Variants in PGAP6 observed in about 807,000 individuals in gnomAD.
The protein encoded by PGAP6 is post-GPI attachment to proteins factor 6.
PGAP6 carries 62 observed loss-of-function variants against 68.4 expected under a neutral mutation model. The observed-to-expected ratio is 0.91, with a 90% CI of 0.74 to 1.12. The LOEUF (loss-of-function observed/expected upper bound fraction) is 1.12, where lower values mean the gene tolerates loss of function less well. Among genes scored for constraint, PGAP6 ranks in the 50% most tolerant of loss-of-function variants. The pLI is 0.00. For synonymous variants in PGAP6, 575 were observed against 474.0 expected (o/e 1.21, Z -2.77); for missense variants, 1,188 against 1,068.5 (o/e 1.11, Z -1.56).
At chr16:380,915 C>T (rs1033913703) in intron 1 of PGAP6, among the ~76,000 whole-genome samples, 1 of 152,210 alleles carries the variant, frequency 6.6e-6, no homozygotes, top group Non-Finnish European at 1.5e-5. Flanking sequence ...AGAAAGGACA[C>T]GGCCCCTCCA....
upstream of PGAP6, among the ~76,000 whole-genome samples, chr16:382,885 A>ATAAACAGC (rs1177306432): frequency 6.6e-6 from 1 of 151,910 alleles, no homozygotes; most frequent in African/African-American, 2.4e-5. Context: ...CAGTGCAGTA[A>ATAAACAGC]TAAACAGCTC....
upstream of PGAP6, chr16:386,824 C>T: frequency 1.5e-6 from 1 of 674,530 alleles, no homozygotes; most frequent in Non-Finnish European, 2.7e-6. Flanking sequence ...AAAGCGAAGG[C>T]TTTAAAGGCC....
In PGAP6 at chr16:374,972, G is replaced by A. The variant is rs117941380; in HGVS notation, c.1440-80C>T. 1.6e-3 allele frequency: 2,525 copies of A among 1,600,000 alleles called. 30 individuals carry two copies. The East Asian group carries it at 0.017, about 11-fold the overall frequency. On this transcript the variant is annotated intron_variant, in intron 8 of 12. Coordinates refer to ENST00000431232, the MANE Select transcript of PGAP6 (RefSeq NM_021259.3). ...CACCAGCGCTCCCAACAGGCTGACA[G>A]ACATGAGAACGCAGCATTAGGGCCC... is the stretch of plus-strand genomic sequence containing the variant.
upstream of PGAP6, chr16:382,089 GTA>G (rs1285550848): frequency 0.067 from 21,766 of 324,756 alleles, 1,023 homozygotes; most frequent in South Asian, 0.16. Context: ...TGGGGCGCCG[GTA>G]GGGGGGAGGG....
chr16:382,170 G>C (rs1597167815), upstream of PGAP6: 1 of 389,056 alleles, frequency 2.6e-6, no homozygotes, highest in East Asian at 3.6e-5. Context: ...GGGAGGGCGC[G>C]GGATGGAGGG....
At chr16:378,494 T>A (rs4991326) in intron 1 of PGAP6, among the ~76,000 whole-genome samples, 781 of 2,178 alleles carry the variant, frequency 0.36, 263 homozygotes, top group Admixed American at 0.41. Context: ...ATCGCCACTC[T>A]GACTGCCATC....
upstream of PGAP6, among the ~76,000 whole-genome samples, chr16:385,388 C>T (rs905952454): frequency 2.7e-4 from 38 of 141,786 alleles, no homozygotes; most frequent in South Asian, 2.4e-4. Context: ...TCTCGGCTCA[C>T]GCAAGCTCCA....
chr16:372,917 T>C (rs1352182921), intron 11 of PGAP6, among the ~76,000 whole-genome samples, 190 bp from the exon 12 acceptor site: 1 of 152,128 alleles, frequency 6.6e-6, no homozygotes, highest in African/African-American at 2.4e-5. Context: ...TCAGCTTCTG[T>C]ATTGCATCCA....
rs2054341907 is a variant in PGAP6 at position 372,285 on chromosome 16, T to C, written c.2020-2A>G. The C allele has an allele frequency of 6.2e-7, 1 of 1,606,256 alleles. No individual in the cohort carries two copies. Among genetic ancestry groups the C allele is most frequent in the Admixed American group, 1.7e-5 (1 of 59,842 alleles). ...GCGCCGGTGCCCGCAGCGGTAAGCC[T>C]GGAGAAAACAGCCACGCAGGTATCA... On this transcript the variant is annotated splice_acceptor_variant, in intron 12 of 12. Coordinates refer to ENST00000431232, the MANE Select transcript of PGAP6 (RefSeq NM_021259.3). LOFTEE classifies it high-confidence loss of function.
chr16:374,123 TC>T lies in PGAP6; in HGVS notation c.1783del (p.Glu595ArgfsTer38). 1 of 1,611,166 alleles carries T rather than the reference TC, an allele frequency of 6.2e-7. No individual in the cohort carries two copies. The highest frequency in any genetic ancestry group is 8.5e-7 in the Non-Finnish European group (1 of 1,179,900). On this transcript the variant is annotated frameshift_variant, in exon 11 of 13. Transcript: ENST00000431232. LOFTEE classifies it high-confidence loss of function. ...GTAGCTGAGGATGCACAGCACCGCC[TC>T]CCCGGGCTGGTCGCAGGCGTGGTAG... ...TFYHACDQPG[E>X]AVLCILSYDT...
intron 12 of PGAP6, 102 bp downstream of exon 12, chr16:372,509 C>A: frequency 1.9e-6 from 2 of 1,035,516 alleles, no homozygotes; most frequent in Admixed American, 1.7e-5. Context: ...CAGATATGGG[C>A]ATTCACTGGT....
chr16:381,020 G>A (rs1339890277), intron 1 of PGAP6, among the ~76,000 whole-genome samples: 6 of 152,242 alleles, frequency 3.9e-5, no homozygotes, highest in Admixed American at 1.3e-4. Flanking sequence ...CCCGTGGAAG[G>A]GCTACGCCTT....
intron 11 of PGAP6, among the ~76,000 whole-genome samples, chr16:373,804 C>G (rs577465625): frequency 7.3e-6 from 1 of 136,900 alleles, no homozygotes; most frequent in Non-Finnish European, 1.6e-5. Flanking sequence ...CCACCATGCT[C>G]GGCCAAGGCA....
chr16:377,278 G>A (rs895242488), intron 3 of PGAP6, 100 bp downstream of exon 3: 42 of 1,578,400 alleles, frequency 2.7e-5, no homozygotes, highest in African/African-American at 1.9e-4. Context: ...AGAGTGCAGC[G>A]TGGAGCCTAG....
rs192073589 is a variant in PGAP6, at chr16:377,219, G to T, written c.508-55C>A. 2,569 of 1,609,584 alleles carry T rather than the reference G, an allele frequency of 1.6e-3. 32 individuals carry two copies. The East Asian group carries it at 0.017, about 11-fold the overall frequency. ...GGTGTCAGAGAATGCAGGTGTGAGGGCATGGTCTCACCAGACGCCCCCGGC... is the reference window on the plus strand; with the variant it reads ...GGTGTCAGAGAATGCAGGTGTGAGGTCATGGTCTCACCAGACGCCCCCGGC... On this transcript the variant is annotated intron_variant, in intron 3 of 12. Coordinates refer to ENST00000431232, the MANE Select transcript of PGAP6 (RefSeq NM_021259.3).
Position 377,489 on chromosome 16 carries a change from C to T in PGAP6, c.396G>A (p.Pro132=), listed in dbSNP as rs745824040. Residue 132 remains proline (P), a synonymous_variant, in exon 3 of 13, where the codon CCG becomes CCA. Coordinates refer to ENST00000431232, the MANE Select transcript of PGAP6 (RefSeq NM_021259.3). The part of the protein sequence containing the change: ...AVQPSFQVGV[P]LSTTPRSNAS... ...CATTGCTTCTCGGTGTGGTGCTCAG[C>T]GGCACCCCGACCTGGAAGGAGGGCT... 86 of 1,606,242 alleles carry T rather than the reference C, an allele frequency of 5.4e-5. No homozygotes were observed. The Admixed American group carries it at 5.6e-4, about 10-fold the overall frequency.
rs748009065 is a variant in PGAP6 at position 372,250 on chromosome 16, G to A, written c.2053C>T (p.Pro685Ser). The A allele has an allele frequency of 6.2e-7, 1 of 1,611,658 alleles. No homozygotes were observed. The highest frequency in any genetic ancestry group is 8.5e-7 in the Non-Finnish European group (1 of 1,179,864). The change falls in exon 13 of 13, where the codon CCC becomes TCC. Residue 685 changes from proline (P) to serine (S), a missense_variant. Coordinates refer to ENST00000431232, the MANE Select transcript of PGAP6 (RefSeq NM_021259.3). ...YRCGHRRQCY[P>S]TSWQRWAFYL... ...AAGGCCCAGCGCTGCCACGAGGTGG[G>A]GTAGCACTGGCGCCGGTGCCCGCAG...
rs1163143255 is a variant in PGAP6, at chr16:371,736, CAGGCCCCAG to C, written c.*242_*250del. ...CCTGTGGTCTCCAAGTAACCAAGCC[CAGGCCCCAG>C]GGGCCACTGCAGACAGCAGCTGGGA... On this transcript the variant is annotated 3_prime_UTR_variant, in exon 13 of 13. Coordinates refer to ENST00000431232, the MANE Select transcript of PGAP6 (RefSeq NM_021259.3). The C allele has an allele frequency of 2.0e-6, 1 of 510,292 alleles. No individual in the cohort carries two copies. Among genetic ancestry groups the C allele is most frequent in the Non-Finnish European group, 3.6e-6 (1 of 281,450 alleles). 31.6% of individuals were successfully genotyped at this position (510,292 alleles called of 1,614,324 possible).
At chr16:384,722 G>A (rs1476352605), upstream of PGAP6, among the ~76,000 whole-genome samples, 2 of 152,106 alleles carry the variant, frequency 1.3e-5, no homozygotes, top group Non-Finnish European at 2.9e-5. Context: ...CGGGCGTGGT[G>A]GCAGGTGCCT....
Sources: allele counts gnomAD v4.1 joint callset (sites outside exome capture counted in the v4.1 genomes callset), GRCh38; gene constraint gnomAD v4.1.1; transcripts MANE v1.5; gene names NCBI Gene and HGNC (gene_info 2026-07-23, HGNC 2026-07-21).